The following SLC5A4 variants were observed in gnomAD, a reference collection of about 807,000 sequenced individuals.
SLC5A4 encodes the protein solute carrier family 5 member 4, also known as probable glucose sensor protein SLC5A4.
In SLC5A4, 55 loss-of-function variants were observed where a neutral mutation model predicts 70.3. The observed-to-expected ratio is 0.78, with a 90% CI of 0.63 to 0.98. SLC5A4 has a LOEUF of 0.98. Ranked by LOEUF, SLC5A4 falls within the 50% of genes least tolerant of loss-of-function variation. SLC5A4 has a pLI of 0.00. For synonymous variants in SLC5A4, 268 were observed against 305.7 expected, an observed-to-expected ratio of 0.88 and a Z score of 1.29; for missense variants, 735 against 839.2, an observed-to-expected ratio of 0.88 and a Z score of 1.53.
At chr22:32,326,819 C>A in the SLC5A4 span, among the ~76,000 whole-genome samples, 1 of 152,126 alleles carries the variant, frequency 6.6e-6, no homozygotes. Flanking sequence ...GTGAGAAAGG[C>A]AGGAGGCTCA....
chr22:32,322,227 A>G, the SLC5A4 span, among the ~76,000 whole-genome samples: 3 of 152,170 alleles, frequency 2.0e-5, no homozygotes, highest in Admixed American at 6.5e-5. Context: ...GAAAAAGGGA[A>G]GCGCGTCCTC....
intron 8 of SLC5A4, among the ~76,000 whole-genome samples, chr22:32,234,576 G>T (rs995134830): frequency 6.6e-6 from 1 of 152,122 alleles, no homozygotes; most frequent in Non-Finnish European, 1.5e-5. Context: ...GTGCACATCT[G>T]TAATCCCAGC....
the SLC5A4 span, among the ~76,000 whole-genome samples, chr22:32,312,999 C>T: frequency 1.3e-5 from 2 of 152,094 alleles, no homozygotes; most frequent in South Asian, 2.1e-4. Context: ...ACAAAAATGT[C>T]GCTATCATTA....
the SLC5A4 span, among the ~76,000 whole-genome samples, chr22:32,289,613 C>T: frequency 1.2e-4 from 19 of 152,210 alleles, no homozygotes; most frequent in Non-Finnish European, 1.9e-4. Context: ...GGATTACAGG[C>T]GTGTGCCACC....
At chr22:32,237,720 G>A (rs1926146076) in intron 6 of SLC5A4, among the ~76,000 whole-genome samples, 1 of 152,094 alleles carries the variant, frequency 6.6e-6, no homozygotes, top group Non-Finnish European at 1.5e-5. Flanking sequence ...ACGTATTATT[G>A]TTTCATTAAT....
the SLC5A4 span, chr22:32,269,530 C>T: frequency 3.3e-4 from 203 of 613,088 alleles, 4 homozygotes; most frequent in African/African-American, 2.4e-3. This position sits in a 1 kb window ranked among gnomAD's most constrained non-coding sequence, Gnocchi z 4.1. Flanking sequence ...CGTGCTCCAT[C>T]GTGGCCATCT....
intron 5 of SLC5A4, among the ~76,000 whole-genome samples, chr22:32,241,469 G>T (rs774636770): frequency 2.0e-5 from 3 of 152,160 alleles, no homozygotes; most frequent in Non-Finnish European, 4.4e-5. Context: ...CTGCAAATAA[G>T]TTCTGAATTC....
chr22:32,227,350 A>C (rs1401471405), intron 11 of SLC5A4, among the ~76,000 whole-genome samples: 1 of 152,070 alleles, frequency 6.6e-6, no homozygotes, highest in Non-Finnish European at 1.5e-5. Context: ...CTAAAGGTAC[A>C]CTCCTGCCCT....
At chr22:32,353,042 G>A in the SLC5A4 span, among the ~76,000 whole-genome samples, 815 of 152,358 alleles carry the variant, frequency 5.3e-3, 2 homozygotes, top group Non-Finnish European at 6.6e-3. Flanking sequence ...GAGTGGTAGC[G>A]TTAGAGCCTC....
the SLC5A4 span, among the ~76,000 whole-genome samples, chr22:32,261,074 G>C: frequency 0.037 from 5,520 of 149,220 alleles, 198 homozygotes; most frequent in African/African-American, 0.097. Flanking sequence ...AAAAAAAAAA[G>C]TCACGAGCAC....
At chr22:32,230,590 G>C (rs1415390190) in intron 10 of SLC5A4, among the ~76,000 whole-genome samples, 2 of 152,058 alleles carry the variant, frequency 1.3e-5, no homozygotes, top group Non-Finnish European at 2.9e-5. Flanking sequence ...ATAATAAATA[G>C]TTTATTCTAT....
At chr22:32,275,625 C>A in the SLC5A4 span, among the ~76,000 whole-genome samples, 35 of 152,296 alleles carry the variant, frequency 2.3e-4, no homozygotes, top group African/African-American at 8.2e-4. Flanking sequence ...CATTGATGGA[C>A]ATTTGGGTTG....
intron 5 of SLC5A4, among the ~76,000 whole-genome samples, chr22:32,246,759 C>T (rs1018618252): frequency 6.6e-6 from 1 of 152,064 alleles, no homozygotes. Flanking sequence ...AACTCCTGAC[C>T]TCAAGTGATC....
At chr22:32,256,453 T>A (rs1927493981), upstream of SLC5A4, among the ~76,000 whole-genome samples, 1 of 152,236 alleles carries the variant, frequency 6.6e-6, no homozygotes, top group African/African-American at 2.4e-5. Context: ...TAATCCCTTT[T>A]AAGTGTACAA....
At chr22:32,265,539 G>A in the SLC5A4 span, among the ~76,000 whole-genome samples, 1 of 152,080 alleles carries the variant, frequency 6.6e-6, no homozygotes, top group Non-Finnish European at 1.5e-5. Flanking sequence ...ATTATTTGTT[G>A]TCTACTTTTT....
At chr22:32,318,493 C>T in the SLC5A4 span, among the ~76,000 whole-genome samples, 1 of 152,208 alleles carries the variant, frequency 6.6e-6, no homozygotes. Flanking sequence ...AGTTGCTCTC[C>T]TCAGAGGCCT....
At chr22:32,259,560 C>A (rs1825234165), upstream of SLC5A4, among the ~76,000 whole-genome samples, 1 of 152,012 alleles carries the variant, frequency 6.6e-6, no homozygotes, top group African/African-American at 2.4e-5. Flanking sequence ...TCCCCATGTT[C>A]TTGGTGTATA....
chr22:32,229,070 T>A, intron 11 of SLC5A4, 124 bp downstream of exon 11: 3 of 842,222 alleles, frequency 3.6e-6, no homozygotes. Context: ...TGTACTCCAA[T>A]GTCTCTTCCC....
rs1476002540 is a variant in SLC5A4, at chr22:32,234,966, G to A, written c.792C>T (p.His264=). The A allele has an allele frequency of 5.0e-6, 8 of 1,613,176 alleles. No individual in the cohort carries two copies. Among genetic ancestry groups the A allele is most frequent in the Non-Finnish European group, 6.8e-6 (8 of 1,179,966 alleles). Residue 264 remains histidine, a synonymous_variant, in exon 8 of 15, where the codon CAC becomes CAT. Coordinates refer to ENST00000266086, the MANE Select transcript of SLC5A4 (RefSeq NM_014227.3). ...SCYTPRADSF[H]IFRDAVTGDI... is the part of the protein sequence containing the mutation. ...CCCCAGTCACAGCATCTCGGAAGAT[G>A]TGGAAGGAGTCCGCCCGAGGTGTGT...
Sources: gnomAD v4.1 joint callset for allele counts (sites outside exome capture counted in the v4.1 genomes callset) on GRCh38, gnomAD v4.1.1 for gene constraint, Gnocchi (gnomAD v3.1) non-coding constraint, MANE v1.5 for transcripts, NCBI Gene and HGNC (gene_info 2026-07-23, HGNC 2026-07-21) for gene names.